BRF1: variants seen among roughly 807,000 people sequenced by gnomAD.
BRF1 encodes the protein transcription factor IIIB 90 kDa subunit.
In BRF1, 59 loss-of-function variants were observed where a neutral mutation model predicts 81.7. The ratio of observed to expected loss-of-function variants is 0.72; its 90% confidence interval spans 0.59 to 0.90. The LOEUF is 0.90. BRF1 is among the 40% of genes least tolerant of loss of function. The pLI is 0.00. For synonymous variants in BRF1, 491 were observed against 395.6 expected, an observed-to-expected ratio of 1.24 and a Z score of -2.86; for missense variants, 1,050 against 936.3, an observed-to-expected ratio of 1.12 and a Z score of -1.58.
intron 1 of BRF1, among the ~76,000 whole-genome samples, chr14:105,312,687 C>T (rs2058377231): frequency 6.6e-6 from 1 of 152,172 alleles, no homozygotes; most frequent in Non-Finnish European, 1.5e-5. Flanking sequence ...CAGAGGAGGG[C>T]AGTGCAAATA....
At position 105,271,491 on chromosome 14, in the gene BRF1, G is replaced by A. The variant is rs1471302338; in HGVS notation, c.439+1230C>T. Among the ~76,000 whole-genome samples, 3 of 152,186 alleles carry A rather than the reference G, an allele frequency of 2.0e-5. No homozygotes were observed. The highest frequency in any genetic ancestry group is 6.6e-5 in the Admixed American group (1 of 15,256). On this transcript the variant is annotated intron_variant, in intron 3 of 17. Coordinates refer to ENST00000547530, the MANE Select transcript of BRF1 (RefSeq NM_001519.4). This position sits in a 1 kb window ranked among gnomAD's most constrained non-coding sequence, Gnocchi z 5.5. Reference sequence around the variant, plus strand: ...CGCCCACCAGACACAGGGCAGGGAGGGGGACCACCTTCAGAGGGGCGCAGC... The same window carrying A: ...CGCCCACCAGACACAGGGCAGGGAGAGGGACCACCTTCAGAGGGGCGCAGC...
In BRF1 at chr14:105,228,952, G is replaced by T. The variant is rs201126610; in HGVS notation, c.695-39C>A. The T allele has an allele frequency of 2.6e-5, 42 of 1,593,748 alleles. No homozygotes were observed. The African/African-American group carries it at 5.1e-4, about 19-fold the overall frequency. ...AGACGGGCCTCGTCAACCACGGCTGGGAACCAGGGCAACATCTGTGGCGGC... is the reference window on the plus strand; with the variant it reads ...AGACGGGCCTCGTCAACCACGGCTGTGAACCAGGGCAACATCTGTGGCGGC... On this transcript the variant is annotated intron_variant, in intron 6 of 17. Transcript: ENST00000547530.
intron 3 of BRF1, among the ~76,000 whole-genome samples, chr14:105,258,800 A>G (rs2056015676): frequency 6.6e-6 from 1 of 152,160 alleles, no homozygotes; most frequent in African/African-American, 2.4e-5. Flanking sequence ...CTCAGTCTCA[A>G]AAAAAAGAAC....
At chr14:105,261,366 G>A (rs2056143767) in intron 3 of BRF1, among the ~76,000 whole-genome samples, 2 of 152,186 alleles carry the variant, frequency 1.3e-5, no homozygotes, top group Admixed American at 1.3e-4. Context: ...GTGCAGCCCT[G>A]CACCCCACTG....
At chr14:105,241,886 C>T (rs1393501990) in intron 5 of BRF1, 2 of 210,454 alleles carry the variant, frequency 9.5e-6, no homozygotes, top group Admixed American at 1.0e-4. Context: ...ATGGCGGTGC[C>T]ACGGGGGCTG....
At position 105,300,723 on chromosome 14, in the gene BRF1, C is replaced by G. The variant is rs1219776111; in HGVS notation, c.-94G>C. The G allele has an allele frequency of 2.9e-5, 29 of 1,016,220 alleles. No homozygotes were observed. Among genetic ancestry groups the G allele is most frequent in the Non-Finnish European group, 3.6e-5 (29 of 799,188 alleles). 63.0% of individuals were successfully genotyped at this position (1,016,220 alleles called of 1,614,324 possible). A position where few individuals can be genotyped will look rare whatever the true frequency, so the allele number is the denominator to read the frequency against. On this transcript the variant is annotated 5_prime_UTR_variant, in exon 1 of 18. Coordinates refer to ENST00000547530, the MANE Select transcript of BRF1 (RefSeq NM_001519.4). ...CCCGCGCCGCCCGCCCAGGCCCAGC[C>G]GCCCAGGCCTCGCCGCTCTCGCGAG...
At chr14:105,264,996 G>T (rs1490990392) in intron 3 of BRF1, among the ~76,000 whole-genome samples, 7 of 151,414 alleles carry the variant, frequency 4.6e-5, no homozygotes, top group African/African-American at 9.7e-5. Flanking sequence ...TACTACCCAA[G>T]ATGTCTCCAA....
intron 5 of BRF1, chr14:105,249,034 AC>A: frequency 8.2e-7 from 1 of 1,213,144 alleles, no homozygotes. Flanking sequence ...CTCGGCAACA[AC>A]CACCAGGAGA....
intron 3 of BRF1, among the ~76,000 whole-genome samples, chr14:105,265,414 ATCAGAG>A (rs1259586882): frequency 2.0e-5 from 3 of 152,226 alleles, no homozygotes; most frequent in African/African-American, 4.8e-5. Context: ...ATCTAGGTAC[ATCAGAG>A]TCAAACTGCC....
At chr14:105,305,848 T>C (rs1419454851), upstream of BRF1, among the ~76,000 whole-genome samples, 2 of 152,270 alleles carry the variant, frequency 1.3e-5, no homozygotes, top group Admixed American at 1.3e-4. Context: ...ACCAGCTTCC[T>C]GTGCCCAGGG....
intron 5 of BRF1, chr14:105,249,452 G>A (rs1301268627): frequency 5.0e-6 from 8 of 1,612,726 alleles, no homozygotes; most frequent in South Asian, 1.1e-5. Flanking sequence ...CAGACGTGGA[G>A]CCCGCAGCCT....
At position 105,250,458 on chromosome 14, in the gene BRF1, C is replaced by G. The variant is rs756284482; in HGVS notation, c.544+2049G>C. On this transcript the variant is annotated intron_variant, in intron 5 of 17. Coordinates refer to ENST00000547530, the MANE Select transcript of BRF1 (RefSeq NM_001519.4). ...TCAGACGGATCCAGTAACACCTTCC[C>G]GGTCTGGTTTGAACACCCGGTCCAG... is the stretch of plus-strand genomic sequence containing the variant. 3.1e-6 allele frequency: 5 copies of G among 1,613,878 alleles called. No homozygotes were observed. The African/African-American group carries it at 6.7e-5, about 22-fold the overall frequency.
chr14:105,269,801 C>A lies in BRF1; in HGVS notation c.439+2920G>T, dbSNP rs1157752954. Among the ~76,000 whole-genome samples, 1 of 152,184 alleles carries A rather than the reference C, an allele frequency of 6.6e-6. No individual in the cohort carries two copies. Among genetic ancestry groups the A allele is most frequent in the Non-Finnish European group, 1.5e-5 (1 of 68,024 alleles). ...AGGCAGCAGCATGGACGTGGTTCCACCCCACCTTGCTGACGCTGGGGTCCC... is the reference window on the plus strand; with the variant it reads ...AGGCAGCAGCATGGACGTGGTTCCAACCCACCTTGCTGACGCTGGGGTCCC... On this transcript the variant is annotated intron_variant, in intron 3 of 17. Transcript: ENST00000547530. This position sits in a 1 kb window ranked among gnomAD's most constrained non-coding sequence, Gnocchi z 5.0.
At chr14:105,256,352 T>C in intron 4 of BRF1, 166 bp downstream of exon 4, 1 of 1,561,186 alleles carries the variant, frequency 6.4e-7, no homozygotes, top group Non-Finnish European at 8.7e-7. Flanking sequence ...CCCCATGTCA[T>C]GAAGGCCCCT....
chr14:105,255,864 T>C (rs1313322211), intron 4 of BRF1, among the ~76,000 whole-genome samples: 1 of 152,242 alleles, frequency 6.6e-6, no homozygotes, highest in Non-Finnish European at 1.5e-5. Flanking sequence ...TGGTTGTTCA[T>C]GCCTGTGACC....
upstream of BRF1, among the ~76,000 whole-genome samples, chr14:105,303,517 A>G (rs1242711917): frequency 2.0e-5 from 3 of 152,250 alleles, no homozygotes; most frequent in Non-Finnish European, 4.4e-5. Context: ...TGCTGGGACT[A>G]TGGGCGTGAG....
chr14:105,269,337 G>A lies in BRF1; in HGVS notation c.439+3384C>T, dbSNP rs917991346. Among the ~76,000 whole-genome samples the A allele has an allele frequency of 6.6e-6, 1 of 152,170 alleles. No individual in the cohort carries two copies. On this transcript the variant is annotated intron_variant, in intron 3 of 17. Coordinates refer to ENST00000547530, the MANE Select transcript of BRF1 (RefSeq NM_001519.4). The surrounding 1 kb of genome is among the most constrained non-coding windows in gnomAD (Gnocchi z 5.0). ...CCACCAGGCCACCAGCAGCCAGAGG[G>A]GATAGAGTGCGGCCTCCCGTGAGCA...
At chr14:105,226,561 C>A in intron 8 of BRF1, 73 bp downstream of exon 8, 2 of 1,600,066 alleles carry the variant, frequency 1.2e-6, no homozygotes, top group Non-Finnish European at 8.5e-7. Context: ...TCTGCTACAA[C>A]CCCAGTCGGG....
At chr14:105,223,350 A>C (rs761084615) in intron 10 of BRF1, among the ~76,000 whole-genome samples, 15 of 152,246 alleles carry the variant, frequency 9.9e-5, no homozygotes, top group Non-Finnish European at 1.5e-4. Flanking sequence ...ATGTCCTCTA[A>C]CAGATGAATG....
Sources: allele counts gnomAD v4.1 joint callset (sites outside exome capture counted in the v4.1 genomes callset), GRCh38; gene constraint gnomAD v4.1.1; non-coding constraint Gnocchi (gnomAD v3.1); transcripts MANE v1.5; gene names NCBI Gene and HGNC (gene_info 2026-07-23, HGNC 2026-07-21).